The following MALRD1 variants were observed in gnomAD, a reference collection of about 807,000 sequenced individuals.
MALRD1 encodes MAM and LDL-receptor class A domain-containing protein 1.
MALRD1 carries 247 observed loss-of-function variants against 242.1 expected under a neutral mutation model. The observed-to-expected ratio is 1.02, with a 90% CI of 0.92 to 1.13. The LOEUF is 1.13. MALRD1 is among the 50% of genes most tolerant of loss of function. The pLI, the probability that MALRD1 is intolerant of heterozygous loss-of-function variation, is 0.00. For missense variants in MALRD1, 2,989 were observed against 2,533.1 expected (o/e 1.18, Z -3.86); for synonymous variants, 995 against 866.6 (o/e 1.15, Z -2.60).
chr10:19,644,911 C>G (rs1036527861), intron 36 of MALRD1, among the ~76,000 whole-genome samples: 4 of 152,068 alleles, frequency 2.6e-5, no homozygotes, highest in African/African-American at 9.7e-5. Context: ...AGCAATAGTT[C>G]ATAAATCTAT....
At chr10:19,394,083 C>T (rs1846467194) in intron 28 of MALRD1, among the ~76,000 whole-genome samples, 1 of 152,092 alleles carries the variant, frequency 6.6e-6, no homozygotes, top group Non-Finnish European at 1.5e-5. Context: ...ATTATGCAGT[C>T]ATGATAGAAA....
At chr10:19,139,063 G>T (rs922178379) in intron 10 of MALRD1, among the ~76,000 whole-genome samples, 5 of 152,104 alleles carry the variant, frequency 3.3e-5, no homozygotes, top group Admixed American at 1.3e-4. Flanking sequence ...TAGGGAATAT[G>T]TCATAAAAAT....
intron 32 of MALRD1, among the ~76,000 whole-genome samples, chr10:19,563,277 C>T (rs577759607): frequency 1.3e-5 from 2 of 152,286 alleles, no homozygotes; most frequent in African/African-American, 4.8e-5. Flanking sequence ...TATGTCCATC[C>T]TGTATCAACT....
At chr10:19,658,257 A>G (rs944892494) in intron 36 of MALRD1, among the ~76,000 whole-genome samples, 1 of 152,134 alleles carries the variant, frequency 6.6e-6, no homozygotes, top group Non-Finnish European at 1.5e-5. Context: ...GCTTTCTGCT[A>G]TTTTTGCTTT....
intron 18 of MALRD1, among the ~76,000 whole-genome samples, chr10:19,215,689 A>C (rs1837278858): frequency 6.6e-6 from 1 of 152,008 alleles, no homozygotes; most frequent in Admixed American, 6.6e-5. Context: ...TTACTGTCTC[A>C]AACTAGATCC....
intron 24 of MALRD1, among the ~76,000 whole-genome samples, chr10:19,334,633 A>C (rs1240187413): frequency 6.6e-6 from 1 of 151,982 alleles, no homozygotes; most frequent in African/African-American, 2.4e-5. Flanking sequence ...ATATTCCTTC[A>C]ATTTTGGATT....
At chr10:19,531,875 TG>T (rs377358451) in intron 32 of MALRD1, among the ~76,000 whole-genome samples, 131 of 152,324 alleles carry the variant, frequency 8.6e-4, no homozygotes, top group African/African-American at 2.6e-3. Context: ...TACTTTTCAT[TG>T]TATCAATGAG....
intron 23 of MALRD1, among the ~76,000 whole-genome samples, chr10:19,329,421 C>T (rs201776553): frequency 6.6e-6 from 1 of 151,566 alleles, no homozygotes; most frequent in African/African-American, 2.4e-5. Flanking sequence ...GACCCCCCCC[C>T]AATTTAAACA....
intron 25 of MALRD1, among the ~76,000 whole-genome samples, chr10:19,349,203 T>C (rs1330001791): frequency 6.6e-6 from 1 of 152,130 alleles, no homozygotes. Flanking sequence ...TCAGGTGATC[T>C]GCCCACCTTG....
Position 19,352,444 on chromosome 10 carries a change from T to C in MALRD1, c.4441+147T>C, listed in dbSNP as rs184276450. 5.0e-4 allele frequency: 431 copies of C among 863,940 alleles called. 1 individual carries two copies. The African/African-American group carries it at 6.1e-3, about 12-fold the overall frequency. 53.5% of individuals were successfully genotyped at this position (863,940 alleles called of 1,614,324 possible). A position where few individuals can be genotyped will look rare whatever the true frequency, so the allele number is the denominator to read the frequency against. ...TAAGATCTTTTTAAACTCAAAAAAA[T>C]ATTTCTCAAGCCTTTATTCATAAAA... On this transcript the variant is annotated intron_variant, in intron 26 of 39. Transcript: ENST00000454679.
chr10:19,379,185 TTTTA>T (rs1352672348), intron 26 of MALRD1, among the ~76,000 whole-genome samples: 4 of 152,074 alleles, frequency 2.6e-5, no homozygotes, highest in Non-Finnish European at 4.4e-5. Context: ...TTTGTCTTAT[TTTTA>T]TTTATTTATT....
chr10:19,310,289 G>A (rs1393236294), intron 21 of MALRD1, among the ~76,000 whole-genome samples: 2 of 151,564 alleles, frequency 1.3e-5, no homozygotes. Context: ...ATGCACGGGA[G>A]CCGCTTCATT....
intron 26 of MALRD1, among the ~76,000 whole-genome samples, chr10:19,378,862 G>A (rs567331412): frequency 8.6e-5 from 13 of 152,002 alleles, no homozygotes; most frequent in East Asian, 1.9e-4. Flanking sequence ...TCTATTTTAT[G>A]GAAGAGTACA....
intron 31 of MALRD1, among the ~76,000 whole-genome samples, chr10:19,510,781 A>G (rs991881331): frequency 6.6e-6 from 1 of 152,234 alleles, no homozygotes; most frequent in Non-Finnish European, 1.5e-5. Context: ...ACTCCATAGC[A>G]GGAGCCCTAA....
intron 18 of MALRD1, among the ~76,000 whole-genome samples, chr10:19,245,543 T>C (rs1839007669): frequency 6.6e-6 from 1 of 152,196 alleles, no homozygotes; most frequent in Non-Finnish European, 1.5e-5. Flanking sequence ...TTCCTAGGAC[T>C]TTTATTTGCA....
At chr10:19,666,426 T>C (rs1298746407) in intron 36 of MALRD1, among the ~76,000 whole-genome samples, 5 of 152,198 alleles carry the variant, frequency 3.3e-5, no homozygotes, top group Non-Finnish European at 7.3e-5. Flanking sequence ...TACTAGGCTA[T>C]GGAATCAGTC....
At chr10:19,243,111 T>A (rs1838868103) in intron 18 of MALRD1, among the ~76,000 whole-genome samples, 1 of 151,672 alleles carries the variant, frequency 6.6e-6, no homozygotes, top group Non-Finnish European at 1.5e-5. Flanking sequence ...TCTTTCTGGT[T>A]AGTGAAACTA....
chr10:19,400,168 G>T (rs1300939269), intron 28 of MALRD1, among the ~76,000 whole-genome samples: 5 of 152,288 alleles, frequency 3.3e-5, no homozygotes, highest in African/African-American at 1.2e-4. Flanking sequence ...CTGGCAAAAA[G>T]CAACGGTATG....
intron 20 of MALRD1, among the ~76,000 whole-genome samples, chr10:19,281,870 A>G (rs1335834374): frequency 2.0e-5 from 3 of 148,432 alleles, no homozygotes; most frequent in Non-Finnish European, 4.5e-5. Flanking sequence ...GCTACTTAGG[A>G]GGCTGAAGCA....
Sources: gnomAD v4.1 joint callset for allele counts (sites outside exome capture counted in the v4.1 genomes callset) on GRCh38, gnomAD v4.1.1 for gene constraint, MANE v1.5 for transcripts, NCBI Gene and HGNC (gene_info 2026-07-23, HGNC 2026-07-21) for gene names.